The following VRTN variants were observed in gnomAD, a reference collection of about 807,000 sequenced individuals.
The protein encoded by VRTN is vertebrae development associated.
VRTN carries 5 observed loss-of-function variants against 18.2 expected under a neutral mutation model. The ratio of observed to expected loss-of-function variants is 0.27; its 90% confidence interval spans 0.14 to 0.58. The LOEUF is 0.58. Ranked by LOEUF, VRTN falls within the 20% of genes least tolerant of loss-of-function variation. VRTN has a pLI of 0.91. For synonymous variants in VRTN, 381 were observed against 393.7 expected (o/e 0.97, Z 0.38); for missense variants, 741 against 939.4 (o/e 0.79, Z 2.76).
chr14:74,307,469 G>C (rs1403306903), intron 1 of VRTN, among the ~76,000 whole-genome samples: 1 of 151,934 alleles, frequency 6.6e-6, no homozygotes, highest in Non-Finnish European at 1.5e-5. Flanking sequence ...TGGTGCTCTT[G>C]AAGGCCAAAA....
At chr14:74,350,886 G>C (rs2085678725) in intron 1 of VRTN, among the ~76,000 whole-genome samples, 1 of 152,112 alleles carries the variant, frequency 6.6e-6, no homozygotes, top group Non-Finnish European at 1.5e-5. Flanking sequence ...AACACTTCAG[G>C]GAACATCATG....
intron 1 of VRTN, among the ~76,000 whole-genome samples, chr14:74,317,242 TGG>T (rs1461853107): frequency 4.6e-5 from 7 of 152,140 alleles, no homozygotes; most frequent in Non-Finnish European, 1.0e-4. Context: ...GAGTCATGGT[TGG>T]GACTATAGAA....
chr14:74,357,516 G>A lies in VRTN; in HGVS notation c.733G>A (p.Glu245Lys). ...CTTTGCCCCTGTGGTGGGGCTGGAA[G>A]AGGTGGAGGCTGAAGGTGCCCCTGG... ...QYFAPVVGLE[E>K]VEAEGAPGVA... The change falls in exon 2 of 2, where the codon GAG (glutamate) becomes AAG (lysine). Residue 245 changes from glutamate to lysine, a missense_variant. Around this residue, in one of 3 missense-constraint regions of VRTN, gnomAD observed 494 missense variants for 546.5 expected, o/e 0.90. Coordinates refer to ENST00000256362, the MANE Select transcript of VRTN (RefSeq NM_018228.3). The surrounding 1 kb of genome is among the most constrained non-coding windows in gnomAD (Gnocchi z 7.8). 6.2e-7 allele frequency: 1 copy of A among 1,613,270 alleles called. No individual in the cohort carries two copies. The highest frequency in any genetic ancestry group is 8.5e-7 in the Non-Finnish European group (1 of 1,180,020).
intron 1 of VRTN, among the ~76,000 whole-genome samples, chr14:74,316,985 G>T (rs949839449): frequency 1.3e-5 from 2 of 152,100 alleles, no homozygotes; most frequent in African/African-American, 4.8e-5. Context: ...AGCCAGCATG[G>T]CCAGAGTGCA....
intron 1 of VRTN, among the ~76,000 whole-genome samples, chr14:74,305,801 A>G (rs899249808): frequency 7.2e-5 from 11 of 152,070 alleles, no homozygotes; most frequent in African/African-American, 2.7e-4. Context: ...ATGCCTGGCT[A>G]AGTTCTGTCT....
chr14:74,331,542 TTTTATATATATATATATATATATATA>T (rs1446580071), intron 1 of VRTN, among the ~76,000 whole-genome samples: 1,499 of 64,920 alleles, frequency 0.023, 99 homozygotes, highest in Admixed American at 0.17. Context: ...AAAAAAAAAA[TTTTATATATATATATATATATATATA>T]TATATATATA....
At chr14:74,330,379 A>C (rs1414090914) in intron 1 of VRTN, among the ~76,000 whole-genome samples, 1 of 152,102 alleles carries the variant, frequency 6.6e-6, no homozygotes, top group African/African-American at 2.4e-5. Context: ...AGTGGCCTTG[A>C]ATTACTACTA....
At chr14:74,320,291 C>G (rs369625967) in intron 1 of VRTN, among the ~76,000 whole-genome samples, 7 of 117,552 alleles carry the variant, frequency 6.0e-5, no homozygotes, top group Admixed American at 1.1e-4. Context: ...GACGGAGTCT[C>G]GCTCTGTCGC....
At chr14:74,303,429 T>C (rs527695027) in intron 1 of VRTN, among the ~76,000 whole-genome samples, 1 of 152,202 alleles carries the variant, frequency 6.6e-6, no homozygotes, top group African/African-American at 2.4e-5. Flanking sequence ...CGAGCGCCTG[T>C]GGTCCGAGCT....
upstream of VRTN, among the ~76,000 whole-genome samples, chr14:74,343,944 C>T (rs373753615): frequency 3.3e-5 from 5 of 151,288 alleles, no homozygotes; most frequent in Admixed American, 1.3e-4. Context: ...TACAGGTGTG[C>T]GCCACCATGC....
intron 1 of VRTN, among the ~76,000 whole-genome samples, chr14:74,356,209 A>G (rs995788752): frequency 3.3e-5 from 5 of 151,290 alleles, no homozygotes; most frequent in African/African-American, 1.2e-4. Flanking sequence ...TTTTGGAGAC[A>G]GTCTCACTTT....
chr14:74,354,004 C>T (rs536525101), intron 1 of VRTN, among the ~76,000 whole-genome samples: 379 of 152,274 alleles, frequency 2.5e-3, no homozygotes, highest in African/African-American at 8.5e-3. Context: ...GAACTCCCGA[C>T]CTCAAGTGAT....
At chr14:74,326,643 TAGCCA>T (rs1458348440) in intron 1 of VRTN, among the ~76,000 whole-genome samples, 1 of 152,032 alleles carries the variant, frequency 6.6e-6, no homozygotes, top group East Asian at 1.9e-4. Context: ...ACCTTTTACA[TAGCCA>T]AGCCCTGGAA....
chr14:74,356,065 C>G (rs2085725358), intron 1 of VRTN, among the ~76,000 whole-genome samples: 2 of 152,140 alleles, frequency 1.3e-5, no homozygotes, highest in South Asian at 4.1e-4. Flanking sequence ...CTCCTGGACT[C>G]AAGCAGTCCA....
At chr14:74,309,335 G>A (rs188500855) in intron 1 of VRTN, among the ~76,000 whole-genome samples, 18 of 152,272 alleles carry the variant, frequency 1.2e-4, no homozygotes, top group African/African-American at 4.1e-4. Flanking sequence ...AGAAGCACTC[G>A]TAAGAGCACA....
At chr14:74,320,420 C>CA (rs2085446739) in intron 1 of VRTN, among the ~76,000 whole-genome samples, 3 of 150,346 alleles carry the variant, frequency 2.0e-5, no homozygotes, top group Non-Finnish European at 4.4e-5. Context: ...GCCGCCACCA[C>CA]GCCGGCTAAA....
chr14:74,311,832 G>A (rs1595162081), intron 1 of VRTN, among the ~76,000 whole-genome samples: 2 of 151,504 alleles, frequency 1.3e-5, no homozygotes, highest in South Asian at 2.1e-4. Context: ...ACAGTGGTGC[G>A]ATCTTGGCTC....
intron 1 of VRTN, among the ~76,000 whole-genome samples, chr14:74,310,486 C>G (rs979874245): frequency 3.3e-5 from 5 of 150,678 alleles, no homozygotes; most frequent in Non-Finnish European, 7.4e-5. Flanking sequence ...TTCAAATCCC[C>G]ACTCTATCAC....
intron 1 of VRTN, among the ~76,000 whole-genome samples, chr14:74,310,871 G>T (rs1418294203): frequency 2.6e-5 from 4 of 151,476 alleles, no homozygotes; most frequent in Admixed American, 1.3e-4. Context: ...AAAAATTTGG[G>T]GGGGTAAAGA....
Sources: gnomAD v4.1 joint callset for allele counts (sites outside exome capture counted in the v4.1 genomes callset) on GRCh38, gnomAD v4.1.1 for gene constraint, gnomAD v4.1.1 regional missense constraint, Gnocchi (gnomAD v3.1) non-coding constraint, MANE v1.5 for transcripts, NCBI Gene and HGNC (gene_info 2026-07-23, HGNC 2026-07-21) for gene names.